IL1RAPL1: variants seen among roughly 807,000 people sequenced by gnomAD.
IL1RAPL1 encodes interleukin 1 receptor accessory protein like 1.
A neutral mutation model predicts 48.4 loss-of-function variants in IL1RAPL1; 3 were observed. The observed-to-expected ratio is 0.06, with a 90% CI of 0.03 to 0.16. IL1RAPL1 has a LOEUF of 0.16. Among genes scored for constraint, IL1RAPL1 ranks in the 10% least tolerant of loss-of-function variants. The pLI is 1.00. For missense variants in IL1RAPL1, 349 were observed against 530.6 expected (o/e 0.66, Z 3.36); for synonymous variants, 185 against 187.7 (o/e 0.99, Z 0.12).
intron 3 of IL1RAPL1, among the ~76,000 whole-genome samples, chrX:29,353,794 A>G (rs1342572017): frequency 9.3e-6 from 1 of 107,331 alleles, no homozygotes; most frequent in African/African-American, 3.4e-5. Flanking sequence ...AAAAATATAT[A>G]TAGTTCTCCA....
chrX:28,875,844 T>G (rs915813056), intron 2 of IL1RAPL1, among the ~76,000 whole-genome samples: 1 of 112,105 alleles, frequency 8.9e-6, no homozygotes, highest in Non-Finnish European at 1.9e-5. Flanking sequence ...CAGAATCGTT[T>G]GGCAAGAGTT....
intron 2 of IL1RAPL1, among the ~76,000 whole-genome samples, chrX:29,118,686 T>C (rs1928723432): frequency 8.9e-6 from 1 of 111,800 alleles, no homozygotes; most frequent in African/African-American, 3.2e-5. Flanking sequence ...GGCACCAGTT[T>C]ATATAGTCTA....
intron 2 of IL1RAPL1, among the ~76,000 whole-genome samples, chrX:28,921,215 AAT>A (rs1227333705): frequency 1.8e-5 from 2 of 111,578 alleles, no homozygotes; most frequent in Non-Finnish European, 3.8e-5. Flanking sequence ...ACTAAATGTG[AAT>A]ACTCATAGTT....
At position 29,582,478 on chromosome X, in the gene IL1RAPL1, G is replaced by T. The variant is rs866535028; in HGVS notation, c.704-85952G>T. Among the ~76,000 whole-genome samples, 119 of 90,251 alleles carry T rather than the reference G, an allele frequency of 1.3e-3. 3 individuals carry two copies. Among genetic ancestry groups the T allele is most frequent in the African/African-American group, 4.7e-3 (111 of 23,853 alleles). 78.4% of individuals were successfully genotyped at this position (90,251 alleles called of 115,157 possible). ...TACATATGTATACATGTGCCATACT[G>T]GTGCGCTGCACCCACTAACGTGTCA... On this transcript the variant is annotated intron_variant, in intron 5 of 10. Coordinates refer to ENST00000378993, the MANE Select transcript of IL1RAPL1 (RefSeq NM_014271.4).
chrX:28,981,420 A>C (rs1925339047), intron 2 of IL1RAPL1, among the ~76,000 whole-genome samples: 1 of 111,180 alleles, frequency 9.0e-6, no homozygotes, highest in African/African-American at 3.3e-5. Context: ...AGGACCCCTG[A>C]ACCAATATTT....
intron 1 of IL1RAPL1, among the ~76,000 whole-genome samples, chrX:28,626,780 G>A (rs1415699867): frequency 4.5e-5 from 5 of 112,193 alleles, no homozygotes; most frequent in African/African-American, 1.6e-4. Context: ...TCAGACCTTC[G>A]CCTTTTGTTC....
chrX:29,875,650 A>G (rs781216937), intron 6 of IL1RAPL1, among the ~76,000 whole-genome samples: 62 of 111,971 alleles, frequency 5.5e-4, no homozygotes, highest in African/African-American at 1.9e-3. Context: ...GGCAATCACA[A>G]CAACATGCTA....
At chrX:29,437,632 T>A (rs1934496925) in intron 5 of IL1RAPL1, among the ~76,000 whole-genome samples, 1 of 110,666 alleles carries the variant, frequency 9.0e-6, no homozygotes, top group African/African-American at 3.3e-5. Flanking sequence ...ATTCTTATCA[T>A]GAATGGGTGT....
At chrX:29,924,361 T>A (rs1203471966) in intron 8 of IL1RAPL1, among the ~76,000 whole-genome samples, 1 of 112,348 alleles carries the variant, frequency 8.9e-6, no homozygotes, top group Admixed American at 9.5e-5. Flanking sequence ...TTTGACTTTA[T>A]AATAGATATA....
intron 6 of IL1RAPL1, among the ~76,000 whole-genome samples, chrX:29,810,134 C>G (rs1930349966): frequency 9.0e-6 from 1 of 110,592 alleles, no homozygotes; most frequent in Non-Finnish European, 1.9e-5. Flanking sequence ...TATGATTTCA[C>G]TATACATACA....
At chrX:29,355,104 C>T (rs1933284217) in intron 3 of IL1RAPL1, among the ~76,000 whole-genome samples, 2 of 112,054 alleles carry the variant, frequency 1.8e-5, no homozygotes, top group South Asian at 7.3e-4. Flanking sequence ...CTCCAGTCTT[C>T]TTGGTACAGA....
intron 1 of IL1RAPL1, among the ~76,000 whole-genome samples, chrX:28,693,459 C>T (rs1012805692): frequency 3.6e-5 from 4 of 112,285 alleles, no homozygotes; most frequent in Non-Finnish European, 7.5e-5. Flanking sequence ...TGCAGATGTA[C>T]TGTCCATCCA....
At chrX:28,774,454 T>C (rs1380686202) in intron 1 of IL1RAPL1, among the ~76,000 whole-genome samples, 1 of 111,342 alleles carries the variant, frequency 9.0e-6, no homozygotes, top group East Asian at 2.8e-4. Flanking sequence ...CAGGGTCTGA[T>C]TGGGGCAGGA....
intron 1 of IL1RAPL1, among the ~76,000 whole-genome samples, chrX:28,669,488 G>A (rs1265514385): frequency 9.2e-6 from 1 of 108,396 alleles, no homozygotes; most frequent in Non-Finnish European, 1.9e-5. Context: ...TTGTGGTGGC[G>A]CATGCCTGTA....
intron 6 of IL1RAPL1, among the ~76,000 whole-genome samples, chrX:29,684,542 T>G (rs375651308): frequency 9.1e-6 from 1 of 110,331 alleles, no homozygotes; most frequent in Non-Finnish European, 1.9e-5. Flanking sequence ...TTTTTGTTTT[T>G]CTATTCAGTT....
intron 3 of IL1RAPL1, among the ~76,000 whole-genome samples, chrX:29,359,221 A>T (rs973125443): frequency 5.4e-5 from 6 of 111,625 alleles, no homozygotes; most frequent in African/African-American, 2.0e-4. Flanking sequence ...TACTTTCATT[A>T]TTTTAGCCAC....
intron 2 of IL1RAPL1, among the ~76,000 whole-genome samples, chrX:29,215,218 G>T (rs1021902997): frequency 1.8e-5 from 2 of 109,833 alleles, no homozygotes; most frequent in African/African-American, 6.6e-5. Flanking sequence ...GGGTGTGGTG[G>T]TGTAATCCCA....
At chrX:29,433,616 A>G (rs1170508772) in intron 5 of IL1RAPL1, among the ~76,000 whole-genome samples, 4 of 111,300 alleles carry the variant, frequency 3.6e-5, no homozygotes, top group Admixed American at 2.9e-4. Flanking sequence ...ATTCTTTCAT[A>G]TACTGCATGA....
At chrX:28,968,492 G>A (rs148858846) in intron 2 of IL1RAPL1, among the ~76,000 whole-genome samples, 1,401 of 111,532 alleles carry the variant, frequency 0.013, 6 homozygotes, top group Middle Eastern at 0.056. Flanking sequence ...TAACCCAAGC[G>A]CAAAGTGGAA....
Sources: gnomAD v4.1 joint callset for allele counts (sites outside exome capture counted in the v4.1 genomes callset) on GRCh38, gnomAD v4.1.1 for gene constraint, MANE v1.5 for transcripts, NCBI Gene and HGNC (gene_info 2026-07-23, HGNC 2026-07-21) for gene names.